Variants in UBE2F observed in about 807,000 individuals in gnomAD.
The protein encoded by UBE2F is ubiquitin conjugating enzyme E2 F (putative).
UBE2F carries 5 observed loss-of-function variants against 29.6 expected under a neutral mutation model. The observed-to-expected ratio is 0.17, with a 90% CI of 0.09 to 0.36. The LOEUF is 0.36. Ranked by LOEUF, UBE2F falls within the 10% of genes least tolerant of loss-of-function variation. The probability of loss-of-function intolerance (pLI) is 1.00; values close to 1 mark genes in which losing one functional copy is unlikely to be tolerated. For synonymous variants in UBE2F, 66 were observed against 81.8 expected, an observed-to-expected ratio of 0.81 and a Z score of 1.04; for missense variants, 141 against 228.5, an observed-to-expected ratio of 0.62 and a Z score of 2.47.
chr2:238,025,155 AT>A, intron 5 of UBE2F, 186 bp from the exon 6 acceptor site: 1 of 602,246 alleles, frequency 1.7e-6, no homozygotes, highest in South Asian at 1.8e-5. Context: ...GATGCAGCGC[AT>A]CAACACATGC....
At chr2:237,978,217 A>G (rs1276816943) in intron 2 of UBE2F, among the ~76,000 whole-genome samples, 7 of 152,176 alleles carry the variant, frequency 4.6e-5, no homozygotes, top group Non-Finnish European at 1.0e-4. Context: ...AATCCCTGAA[A>G]GGGCTGATTG....
At chr2:237,973,325 A>G in intron 2 of UBE2F, 100 bp downstream of exon 2, 1 of 1,316,388 alleles carries the variant, frequency 7.6e-7, no homozygotes, top group Admixed American at 2.0e-5. Flanking sequence ...CTGAATAGAA[A>G]TACCTGTTTA....
At chr2:237,996,015 T>C (rs576483766) in intron 4 of UBE2F, among the ~76,000 whole-genome samples, 1 of 152,290 alleles carries the variant, frequency 6.6e-6, no homozygotes, top group East Asian at 1.9e-4. Context: ...CTGACATCTA[T>C]AGATAAATGT....
intron 5 of UBE2F, among the ~76,000 whole-genome samples, chr2:238,017,112 A>G (rs927713361): frequency 6.6e-6 from 1 of 152,228 alleles, no homozygotes; most frequent in Non-Finnish European, 1.5e-5. Flanking sequence ...CCATTACATT[A>G]TGTCTTTGCT....
At chr2:237,990,151 T>G (rs2063554463) in intron 3 of UBE2F, among the ~76,000 whole-genome samples, 1 of 146,930 alleles carries the variant, frequency 6.8e-6, no homozygotes, top group Non-Finnish European at 1.5e-5. Flanking sequence ...TTCTACCCAC[T>G]GAAGTATTTA....
intron 4 of UBE2F, among the ~76,000 whole-genome samples, chr2:238,013,385 C>T (rs925649896): frequency 6.6e-6 from 1 of 152,170 alleles, no homozygotes; most frequent in Non-Finnish European, 1.5e-5. Flanking sequence ...TAATGTGTCG[C>T]TTTGAGGTGG....
intron 8 of UBE2F, chr2:238,035,668 C>T: frequency 1.9e-6 from 1 of 523,476 alleles, no homozygotes; most frequent in Non-Finnish European, 3.4e-6. Flanking sequence ...TGACTTCTTT[C>T]AGTCAGTTGT....
At chr2:238,028,247 A>T (rs2064481059) in intron 6 of UBE2F, among the ~76,000 whole-genome samples, 3 of 152,218 alleles carry the variant, frequency 2.0e-5, no homozygotes, top group Non-Finnish European at 4.4e-5. Flanking sequence ...CCCCAGCCAG[A>T]TGCAAAGCCC....
intron 7 of UBE2F, among the ~76,000 whole-genome samples, chr2:238,031,957 A>G (rs2064592055): frequency 6.6e-6 from 1 of 152,220 alleles, no homozygotes; most frequent in Admixed American, 6.5e-5. Context: ...GTCGTGCAGG[A>G]TTGGGCTTGT....
At chr2:238,016,987 G>A (rs546420950) in intron 5 of UBE2F, among the ~76,000 whole-genome samples, 11 of 152,306 alleles carry the variant, frequency 7.2e-5, no homozygotes, top group East Asian at 1.9e-4. Context: ...TCTATAAAAT[G>A]TGTATTTTAG....
At chr2:237,969,464 A>G (rs1290870276) in intron 1 of UBE2F, among the ~76,000 whole-genome samples, 8 of 150,994 alleles carry the variant, frequency 5.3e-5, no homozygotes. Flanking sequence ...TGCCTGCTGA[A>G]CTCATGTTCA....
At chr2:238,014,282 TC>T (rs2064106988) in intron 4 of UBE2F, among the ~76,000 whole-genome samples, 1 of 152,222 alleles carries the variant, frequency 6.6e-6, no homozygotes, top group Non-Finnish European at 1.5e-5. Context: ...CTGTGCAACT[TC>T]AAAGAGGGAA....
chr2:237,982,916 A>G lies in UBE2F; in HGVS notation c.119-5047A>G, dbSNP rs1255042344. 6.6e-6 allele frequency among the ~76,000 whole-genome samples: 1 copy of G among 152,180 alleles called. No individual in the cohort carries two copies. Among genetic ancestry groups the G allele is most frequent in the African/African-American group, 2.4e-5 (1 of 41,440 alleles). On this transcript the variant is annotated intron_variant, in intron 2 of 9. Coordinates refer to ENST00000272930, the MANE Select transcript of UBE2F (RefSeq NM_080678.3). The surrounding 1 kb of genome is among the most constrained non-coding windows in gnomAD (Gnocchi z 4.1). ...AATCTGGCCCATTGGAAAGGCAGCTATGTATCAGTGTGGGCATGAGAAGAA... is the reference window on the plus strand; with the variant it reads ...AATCTGGCCCATTGGAAAGGCAGCTGTGTATCAGTGTGGGCATGAGAAGAA...
rs189296140 is a variant in UBE2F, at chr2:238,042,313, T to C, written c.*975T>C. ...CTTATCAGAGAGCCAGACCCTGCTG[T>C]CCTGGGAGACAGGAGCGATGCCTCA... On this transcript the variant is annotated 3_prime_UTR_variant, in exon 10 of 10. Transcript: ENST00000272930. The C allele has an allele frequency of 6.6e-6, 1 of 152,396 alleles. No homozygotes were observed. The highest frequency in any genetic ancestry group is 1.5e-5 in the Non-Finnish European group (1 of 68,074). 9.4% of individuals were successfully genotyped at this position (152,396 alleles called of 1,614,324 possible).
At chr2:237,981,342 C>A (rs908535308) in intron 2 of UBE2F, among the ~76,000 whole-genome samples, 2 of 152,110 alleles carry the variant, frequency 1.3e-5, no homozygotes, top group African/African-American at 4.8e-5. Flanking sequence ...CCATTTGTGA[C>A]AACTCCCTGA....
rs139944423 is a variant in UBE2F at position 238,034,484 on chromosome 2, C to T, written c.445-1394C>T. Among the ~76,000 whole-genome samples, 52 of 152,214 alleles carry T rather than the reference C, an allele frequency of 3.4e-4. 1 individual carries two copies. In the East Asian group the frequency reaches 8.5e-3, roughly 25 times the overall value. ...CTACAGCCACACTAGCTCCCCATCT[C>T]TCAGTGCTCTAAGTAAATTCTAAAA... On this transcript the variant is annotated intron_variant, in intron 8 of 9. Coordinates refer to ENST00000272930, the MANE Select transcript of UBE2F (RefSeq NM_080678.3).
intron 2 of UBE2F, among the ~76,000 whole-genome samples, chr2:237,975,979 C>A (rs2063275151): frequency 6.6e-6 from 1 of 151,908 alleles, no homozygotes; most frequent in African/African-American, 2.4e-5. Context: ...TGAGTTTGGA[C>A]TTAGTTTTGG....
chr2:238,004,584 T>C (rs928776080), intron 4 of UBE2F, among the ~76,000 whole-genome samples: 1 of 152,152 alleles, frequency 6.6e-6, no homozygotes, highest in South Asian at 2.1e-4. Flanking sequence ...ATTGTTTTCT[T>C]TGTGGTAATG....
chr2:237,975,106 T>C (rs200737410), intron 2 of UBE2F, among the ~76,000 whole-genome samples: 7 of 110,582 alleles, frequency 6.3e-5, no homozygotes, highest in East Asian at 4.3e-4. Flanking sequence ...TTCTTTAAAA[T>C]TTTTTTTTTT....
Sources: gnomAD v4.1 joint callset for allele counts (sites outside exome capture counted in the v4.1 genomes callset) on GRCh38, gnomAD v4.1.1 for gene constraint, Gnocchi (gnomAD v3.1) non-coding constraint, MANE v1.5 for transcripts, NCBI Gene and HGNC (gene_info 2026-07-23, HGNC 2026-07-21) for gene names.